The following CDKN2C variants were observed in gnomAD, a reference collection of about 807,000 sequenced individuals.
CDKN2C encodes cyclin-dependent kinase 4 inhibitor C.
CDKN2C carries 5 observed loss-of-function variants against 11.0 expected under a neutral mutation model. The ratio of observed to expected loss-of-function variants is 0.45; its 90% CI spans 0.24 to 0.95. CDKN2C has a LOEUF of 0.95. CDKN2C is among the 40% of genes least tolerant of loss of function. CDKN2C has a pLI of 0.21. For missense variants in CDKN2C, 161 were observed against 211.9 expected, an observed-to-expected ratio of 0.76 and a Z score of 1.49; for synonymous variants, 79 against 88.3, an observed-to-expected ratio of 0.89 and a Z score of 0.59.
chr1:50,966,328 C>T (rs991704357), upstream of CDKN2C, among the ~76,000 whole-genome samples: 1 of 152,148 alleles, frequency 6.6e-6, no homozygotes, highest in African/African-American at 2.4e-5. Context: ...TAGGCGTGAG[C>T]CACTGCGCCC....
At chr1:50,965,806 G>C (rs184618359), upstream of CDKN2C, among the ~76,000 whole-genome samples, 51 of 152,210 alleles carry the variant, frequency 3.4e-4, 4 homozygotes, top group African/African-American at 1.2e-3. Flanking sequence ...AAATGCTGAA[G>C]CTACAATTAT....
chr1:50,970,548 AC>A, intron 1 of CDKN2C, 51 bp downstream of exon 1: 2 of 1,606,006 alleles, frequency 1.2e-6, no homozygotes, highest in African/African-American at 1.3e-5. Context: ...TGCCTACGTG[AC>A]CCGGGTTTCT....
upstream of CDKN2C, among the ~76,000 whole-genome samples, chr1:50,966,751 A>C (rs2124776294): frequency 6.6e-6 from 1 of 152,160 alleles, no homozygotes; most frequent in East Asian, 1.9e-4. Context: ...AAAAAAAAAA[A>C]AAACCTTTGC....
upstream of CDKN2C, chr1:50,970,110 A>T (rs988727932): frequency 2.1e-5 from 11 of 536,198 alleles, no homozygotes; most frequent in African/African-American, 1.9e-4. Context: ...AGAATTCTTC[A>T]TAGGGGTTAA....
chr1:50,974,067 G>A lies in CDKN2C; in HGVS notation c.304G>A (p.Glu102Lys), dbSNP rs1645393988. Residue 102 changes from glutamate to lysine, a missense_variant, in exon 2 of 2, where the codon GAA becomes AAA. Physicochemically the swap from Glu to Lys is moderately conservative, Grantham distance 56. Transcript: ENST00000371761. The stretch of plus-strand genomic sequence containing the variant: ...AGCTGATGTTAACATCGAGGATAAT[G>A]AAGGGAACCTGCCCTTGCACTTGGC... ...FQADVNIEDN[E>K]GNLPLHLAAK... 2 of 1,614,186 alleles carry A rather than the reference G, an allele frequency of 1.2e-6. No individual in the cohort carries two copies. The highest frequency in any genetic ancestry group is 1.7e-6 in the Non-Finnish European group (2 of 1,180,040).
chr1:50,974,056 T>G lies in CDKN2C; in HGVS notation c.293T>G (p.Ile98Ser). 1 of 1,614,178 alleles carries G rather than the reference T, an allele frequency of 6.2e-7. No individual in the cohort carries two copies. Among genetic ancestry groups the G allele is most frequent in the Non-Finnish European group, 8.5e-7 (1 of 1,180,036 alleles). ...CTGGAGTTTCAAGCTGATGTTAACA[T>G]CGAGGATAATGAAGGGAACCTGCCC... The part of the protein sequence containing the change: ...TLLEFQADVN[I>S]EDNEGNLPLH... The change falls in exon 2 of 2, where the codon ATC becomes AGC. Residue 98 changes from isoleucine (I) to serine (S), a missense_variant. Coordinates refer to ENST00000371761, the MANE Select transcript of CDKN2C (RefSeq NM_078626.3).
intron 1 of CDKN2C, among the ~76,000 whole-genome samples, chr1:50,964,871 TG>T: frequency 6.6e-6 from 1 of 151,968 alleles, no homozygotes; most frequent in East Asian, 1.9e-4. Flanking sequence ...CTGACCAACA[TG>T]GTGAAACCCT....
intron 1 of CDKN2C, among the ~76,000 whole-genome samples, chr1:50,962,861 A>G (rs1645332459): frequency 6.6e-6 from 1 of 152,224 alleles, no homozygotes; most frequent in Admixed American, 6.5e-5. Flanking sequence ...AATGCATGGA[A>G]AATATAAAAT....
chr1:50,965,513 C>T (rs1268434084), upstream of CDKN2C, among the ~76,000 whole-genome samples: 2 of 151,762 alleles, frequency 1.3e-5, no homozygotes, highest in East Asian at 3.9e-4. Context: ...AAAGAACTTT[C>T]AGCCTGGCCA....
At chr1:50,969,830 A>ATTT, upstream of CDKN2C, 1 of 194,412 alleles carries the variant, frequency 5.1e-6, no homozygotes, top group South Asian at 1.5e-4. The surrounding 1 kb of genome is among the most constrained non-coding windows in gnomAD (Gnocchi z 6.6). Flanking sequence ...ACGGATGGAA[A>ATTT]CCGAGCCCCC....
rs201812931 is a variant in CDKN2C, at chr1:50,974,245, C to G, written c.482C>G (p.Ala161Gly). The G allele has an allele frequency of 3.8e-6, 6 of 1,565,516 alleles. No individual in the cohort carries two copies. The African/African-American group carries it at 8.2e-5, about 21-fold the overall frequency. ...GTTAGCCTGATGCAGGCAAACGGGG[C>G]TGGGGGAGCCACAAATCTTCAATAA... is the stretch of plus-strand genomic sequence containing the variant. ...EVVSLMQANG[A>G]GGATNLQ The change falls in exon 2 of 2, where the codon GCT becomes GGT. Residue 161 changes from alanine to glycine, a missense_variant. Transcript: ENST00000371761.
At chr1:50,962,609 G>A (rs899197545) in intron 1 of CDKN2C, among the ~76,000 whole-genome samples, 3 of 152,148 alleles carry the variant, frequency 2.0e-5, no homozygotes, top group Non-Finnish European at 2.9e-5. Context: ...GTAATGATGC[G>A]TGTGTACCTC....
intron 1 of CDKN2C, among the ~76,000 whole-genome samples, chr1:50,964,690 C>T (rs1645338739): frequency 1.3e-5 from 2 of 152,300 alleles, no homozygotes; most frequent in South Asian, 2.1e-4. Flanking sequence ...ACAATTTCTG[C>T]CAGCCTCAAT....
At chr1:50,971,001 G>C (rs546893180) in intron 1 of CDKN2C, among the ~76,000 whole-genome samples, 2 of 152,270 alleles carry the variant, frequency 1.3e-5, no homozygotes, top group East Asian at 3.9e-4. Context: ...GGAATGGGTG[G>C]CCTGGGCACC....
intron 1 of CDKN2C, among the ~76,000 whole-genome samples, chr1:50,971,231 T>C (rs1645378376): frequency 6.6e-6 from 1 of 152,266 alleles, no homozygotes; most frequent in East Asian, 1.9e-4. Flanking sequence ...TTTCCTCTTC[T>C]GAATGTTATC....
intron 1 of CDKN2C, among the ~76,000 whole-genome samples, chr1:50,972,475 AAGAT>A (rs1268570928): frequency 1.1e-4 from 16 of 152,206 alleles, no homozygotes; most frequent in African/African-American, 3.4e-4. Flanking sequence ...ACATTTAAAA[AAGAT>A]AGAACGACTT....
chr1:50,964,915 G>A (rs904301432), intron 1 of CDKN2C, among the ~76,000 whole-genome samples: 1 of 152,098 alleles, frequency 6.6e-6, no homozygotes, highest in African/African-American at 2.4e-5. Flanking sequence ...TTAGCCGGGC[G>A]TGGTGGTGCG....
At chr1:50,968,763 A>T (rs1192341877), upstream of CDKN2C, 1 of 152,172 alleles carries the variant, frequency 6.6e-6, no homozygotes. Context: ...AAAGCGCTCA[A>T]TTTTTTTCTT....
At chr1:50,973,676 C>T (rs1269420909) in intron 1 of CDKN2C, among the ~76,000 whole-genome samples, 1 of 152,112 alleles carries the variant, frequency 6.6e-6, no homozygotes, top group Non-Finnish European at 1.5e-5. Context: ...CCATTTAAGA[C>T]GTTCCATCAT....
Sources: gnomAD v4.1 joint callset for allele counts (sites outside exome capture counted in the v4.1 genomes callset) on GRCh38, gnomAD v4.1.1 for gene constraint, Gnocchi (gnomAD v3.1) non-coding constraint, MANE v1.5 for transcripts, NCBI Gene and HGNC (gene_info 2026-07-23, HGNC 2026-07-21) for gene names.